The following PLPP2 variants were observed in gnomAD, a reference collection of about 807,000 sequenced individuals.
The protein encoded by PLPP2 is phospholipid phosphatase 2.
PLPP2 carries 29 observed loss-of-function variants against 35.2 expected under a neutral mutation model. The ratio of observed to expected loss-of-function variants is 0.82; its 90% CI spans 0.61 to 1.12. PLPP2 has a LOEUF of 1.12. PLPP2 is among the 50% of genes most tolerant of loss of function. The pLI is 0.00. For missense variants in PLPP2, 353 were observed against 375.2 expected, an observed-to-expected ratio of 0.94 and a Z score of 0.49; for synonymous variants, 162 against 167.0, an observed-to-expected ratio of 0.97 and a Z score of 0.23.
At chr19:281,621 G>A in intron 5 of PLPP2, 84 bp from the exon 6 acceptor site, 2 of 1,297,606 alleles carry the variant, frequency 1.5e-6, no homozygotes, top group Non-Finnish European at 2.0e-6. Flanking sequence ...GGGAGGAACA[G>A]GGTCCCAGGT....
chr19:282,345 C>T, intron 4 of PLPP2, 35 bp from the exon 5 acceptor site: 1 of 1,598,124 alleles, frequency 6.3e-7, no homozygotes. Context: ...GCCTGTGCAC[C>T]TGCCAGGCGC....
In PLPP2 at chr19:282,317, T is replaced by G. The variant is rs189421386; in HGVS notation, c.541-7A>C. The G allele has an allele frequency of 1.9e-6, 3 of 1,611,730 alleles. No homozygotes were observed. The highest frequency in any genetic ancestry group is 2.5e-6 in the Non-Finnish European group (3 of 1,179,396). On this transcript the variant is annotated splice_polypyrimidine_tract_variant and splice_region_variant and intron_variant, in intron 4 of 5. Transcript: ENST00000434325. ...GTCGTGCCTGCACATACAGCTGGAG[T>G]GGGGAGAGGACGTGTTAGCCTGTGC...
chr19:290,040 C>T (rs1970354457), intron 1 of PLPP2, among the ~76,000 whole-genome samples: 1 of 152,172 alleles, frequency 6.6e-6, no homozygotes, highest in African/African-American at 2.4e-5. Flanking sequence ...GAAAGCTCTC[C>T]CTGGGGTCCC....
intron 1 of PLPP2, among the ~76,000 whole-genome samples, chr19:290,518 A>T (rs1200123278): frequency 6.6e-6 from 1 of 151,900 alleles, no homozygotes; most frequent in Non-Finnish European, 1.5e-5. Context: ...GAGAAGCAGG[A>T]AACACGTTGG....
chr19:283,445 C>T (rs561988571), intron 3 of PLPP2: 1 of 152,776 alleles, frequency 6.5e-6, no homozygotes, highest in Non-Finnish European at 1.5e-5. Context: ...GAGTATGGCT[C>T]AAGGGCTGGC....
At position 281,524 on chromosome 19, in the gene PLPP2, G is replaced by GAGA; in HGVS notation, c.728_730dup (p.Ile243_Ser244insPhe). 3.3e-6 allele frequency: 5 copies of GAGA among 1,507,654 alleles called. No homozygotes were observed. Among genetic ancestry groups the GAGA allele is most frequent in the Admixed American group, 4.3e-5 (2 of 46,908 alleles). 93.4% of individuals were successfully genotyped at this position (1,507,654 alleles called of 1,614,324 possible). The stretch of plus-strand genomic sequence containing the variant: ...TGGGGGTCGGGCTTTGAAGAAGTCT[G>GAGA]AGATGTAGCAGACCTGGTAGAGCAG... On this transcript the variant is annotated inframe_insertion, in exon 6 of 6. Coordinates refer to ENST00000434325, the MANE Select transcript of PLPP2 (RefSeq NM_003712.4).
chr19:287,960 G>T lies in PLPP2; in HGVS notation c.204+60C>A. The T allele has an allele frequency of 6.6e-7, 1 of 1,504,970 alleles. No individual in the cohort carries two copies. Among genetic ancestry groups the T allele is most frequent in the Non-Finnish European group, 8.9e-7 (1 of 1,127,044 alleles). 93.2% of individuals were successfully genotyped at this position (1,504,970 alleles called of 1,614,324 possible). A position where few individuals can be genotyped will look rare whatever the true frequency, so the allele number is the denominator to read the frequency against. On this transcript the variant is annotated intron_variant, in intron 2 of 5. Coordinates refer to ENST00000434325, the MANE Select transcript of PLPP2 (RefSeq NM_003712.4). This position sits in a 1 kb window ranked among gnomAD's most constrained non-coding sequence, Gnocchi z 4.3. ...GTGCCACCCCCCCATCAGGCCCCCAGGGTAAAGCTGGCCCCACCCCATCCC... is the reference window on the plus strand; with the variant it reads ...GTGCCACCCCCCCATCAGGCCCCCATGGTAAAGCTGGCCCCACCCCATCCC...
chr19:286,851 G>A (rs909559338), intron 3 of PLPP2: 1 of 152,260 alleles, frequency 6.6e-6, no homozygotes, highest in African/African-American at 2.4e-5. Flanking sequence ...TGTAGTCCTA[G>A]CTACTCGGGA....
At chr19:282,669 C>A (rs72982354) in intron 4 of PLPP2, 83 bp downstream of exon 4, 2 of 1,440,562 alleles carry the variant, frequency 1.4e-6, no homozygotes, top group African/African-American at 2.8e-5. Context: ...ACCCATTTTA[C>A]AGCTGGAAAA....
chr19:289,034 G>A (rs1157074775), intron 1 of PLPP2, among the ~76,000 whole-genome samples: 1 of 152,196 alleles, frequency 6.6e-6, no homozygotes, highest in Non-Finnish European at 1.5e-5. Flanking sequence ...CCCAGCCCTG[G>A]CCTCAGGGAT....
At chr19:290,818 G>A in intron 1 of PLPP2, 2 of 769,022 alleles carry the variant, frequency 2.6e-6, no homozygotes, top group South Asian at 6.7e-5. Flanking sequence ...GAATCCCGCC[G>A]ACGCACCGGG....
At chr19:288,994 A>G (rs1420792914) in intron 1 of PLPP2, among the ~76,000 whole-genome samples, 1 of 152,216 alleles carries the variant, frequency 6.6e-6, no homozygotes, top group Non-Finnish European at 1.5e-5. Context: ...TTGCCCCTTC[A>G]TCGACCAGCC....
intron 3 of PLPP2, chr19:284,413 A>G (rs1970235159): frequency 6.6e-6 from 1 of 152,098 alleles, no homozygotes; most frequent in Non-Finnish European, 1.5e-5. Flanking sequence ...ACACAGGGAA[A>G]AAAATGTAAT....
Position 291,366 on chromosome 19 carries a change from GCGCGTCCCGT to G in PLPP2, c.-40_-31del, listed in dbSNP as rs751882454. Reference sequence around the variant, plus strand: ...CCCGCGACCCCCGACGCCGGTCCCAGCGCGTCCCGTCGCGTCCCGGCCCGGCCGCGGAGTC... The same window carrying G: ...CCCGCGACCCCCGACGCCGGTCCCAGCGCGTCCCGGCCCGGCCGCGGAGTC... On this transcript the variant is annotated 5_prime_UTR_variant, in exon 1 of 6. Transcript: ENST00000434325. 63 of 1,582,790 alleles carry G rather than the reference GCGCGTCCCGT, an allele frequency of 4.0e-5. No individual in the cohort carries two copies. Among genetic ancestry groups the G allele is most frequent in the African/African-American group, 7.2e-5 (5 of 69,372 alleles).
At chr19:290,891 C>G in intron 1 of PLPP2, 2 of 1,187,128 alleles carry the variant, frequency 1.7e-6, no homozygotes, top group African/African-American at 1.6e-5. Context: ...GGGGCGGAGG[C>G]GCGGACGTCC....
intron 1 of PLPP2, among the ~76,000 whole-genome samples, chr19:289,683 C>T (rs1970345831): frequency 6.6e-6 from 1 of 151,932 alleles, no homozygotes. Context: ...AGCCTGGCGA[C>T]AGGGCGAGAC....
intron 1 of PLPP2, 37 bp downstream of exon 1, chr19:291,248 A>AGGGTCCCCCCAACACCC (rs1970384561): frequency 1.9e-6 from 3 of 1,597,540 alleles, no homozygotes; most frequent in East Asian, 2.3e-5. Context: ...CCGTCCCGGG[A>AGGGTCCCCCCAACACCC]GGGTCCCCCC....
rs746706407 is a variant in PLPP2, at chr19:282,236, G to A, written c.615C>T (p.Ala205=). 1.2e-6 allele frequency: 2 copies of A among 1,613,918 alleles called. No homozygotes were observed. Among genetic ancestry groups the A allele is most frequent in the Admixed American group, 1.7e-5 (1 of 60,010 alleles). ...LRPTVQFFLV[A]FALYVGYTRV... The stretch of plus-strand genomic sequence containing the variant: ...GGGTGTAGCCCACGTAGAGGGCAAA[G>A]GCCACCAGGAAGAACTGGACTGTGG... The change falls in exon 5 of 6, where the codon GCC becomes GCT. Residue 205 remains alanine, a synonymous_variant. Transcript: ENST00000434325.
chr19:287,399 T>A lies in PLPP2; in HGVS notation c.482+75A>T. The A allele has an allele frequency of 6.5e-7, 1 of 1,534,010 alleles. No homozygotes were observed. Among genetic ancestry groups the A allele is most frequent in the Non-Finnish European group, 8.8e-7 (1 of 1,139,214 alleles). ...CCTGTAGTCTCAGCTGCCTGCTGGC[T>A]CTTCATGATTTGGCTCCAGGGCCTT... On this transcript the variant is annotated intron_variant, in intron 3 of 5. Transcript: ENST00000434325. The surrounding 1 kb of genome is among the most constrained non-coding windows in gnomAD (Gnocchi z 4.3).
Sources: allele counts gnomAD v4.1 joint callset (sites outside exome capture counted in the v4.1 genomes callset), GRCh38; gene constraint gnomAD v4.1.1; non-coding constraint Gnocchi (gnomAD v3.1); transcripts MANE v1.5; gene names NCBI Gene and HGNC (gene_info 2026-07-23, HGNC 2026-07-21).